The following PPP1R12A variants were observed in gnomAD, a reference collection of about 807,000 sequenced individuals.
PPP1R12A encodes myosin binding subunit.
In PPP1R12A, 19 loss-of-function variants were observed where a neutral mutation model predicts 139.6. That is an observed-to-expected ratio of 0.14 (90% CI 0.09 to 0.20). The LOEUF (loss-of-function observed/expected upper bound fraction) is 0.20, where lower values mean the gene tolerates loss of function less well. PPP1R12A is among the 10% of genes least tolerant of loss of function. The probability of loss-of-function intolerance (pLI) is 1.00; values close to 1 mark genes in which losing one functional copy is unlikely to be tolerated. For missense variants in PPP1R12A, 925 were observed against 1,211.5 expected, an observed-to-expected ratio of 0.76 and a Z score of 3.51; for synonymous variants, 427 against 420.6, an observed-to-expected ratio of 1.02 and a Z score of -0.19.
chr12:79,885,495 C>T (rs1195278228), intron 1 of PPP1R12A, among the ~76,000 whole-genome samples: 1 of 152,058 alleles, frequency 6.6e-6, no homozygotes, highest in Non-Finnish European at 1.5e-5. Flanking sequence ...TTTAGTGCCA[C>T]TTTTGGTGGC....
intron 8 of PPP1R12A, chr12:79,818,988 TGA>T (rs1332570473): frequency 6.6e-6 from 1 of 151,968 alleles, no homozygotes; most frequent in Non-Finnish European, 1.5e-5. Context: ...ATTAAGAGAG[TGA>T]GAGGAAAGGA....
intron 3 of PPP1R12A, among the ~76,000 whole-genome samples, chr12:79,842,722 T>C (rs1217971551): frequency 6.6e-6 from 1 of 152,066 alleles, no homozygotes; most frequent in Admixed American, 6.6e-5. Flanking sequence ...TTTTTTTGTT[T>C]TCAGAAAGGG....
intron 20 of PPP1R12A, chr12:79,789,616 T>C (rs544869350): frequency 4.0e-5 from 18 of 451,798 alleles, no homozygotes; most frequent in African/African-American, 3.0e-4. Flanking sequence ...AAAGATGCCA[T>C]TGGCTCTGCA....
intron 9 of PPP1R12A, among the ~76,000 whole-genome samples, chr12:79,815,077 G>A (rs1875173178): frequency 6.6e-6 from 1 of 152,050 alleles, no homozygotes; most frequent in Non-Finnish European, 1.5e-5. Context: ...TACTAACAGA[G>A]GTTATAAAGT....
intron 1 of PPP1R12A, among the ~76,000 whole-genome samples, chr12:79,922,482 C>T (rs1372407256): frequency 1.3e-5 from 2 of 152,210 alleles, no homozygotes; most frequent in African/African-American, 2.4e-5. Context: ...GAAAATGTAG[C>T]ACATACACAC....
intron 1 of PPP1R12A, among the ~76,000 whole-genome samples, chr12:79,873,848 T>C (rs149304791): frequency 1.2e-4 from 19 of 152,304 alleles, no homozygotes; most frequent in African/African-American, 2.2e-4. Context: ...ACTTGTGACA[T>C]TGAGATGCAA....
rs149128450 is a variant in PPP1R12A, at chr12:79,784,693, A to G, written c.2907+1681T>C. On this transcript the variant is annotated intron_variant, in intron 22 of 24. Coordinates refer to ENST00000450142, the MANE Select transcript of PPP1R12A (RefSeq NM_002480.3). ...GCTCTGTCACCCAGGCTGGAGTTGC[A>G]GTGGCACGATCTTGGCTTACTGCAA... Among the ~76,000 whole-genome samples, 788 of 152,212 alleles carry G rather than the reference A, an allele frequency of 5.2e-3. 5 individuals are homozygous for G. The highest frequency in any genetic ancestry group is 0.018 in the African/African-American group (748 of 41,530).
chr12:79,901,980 G>A (rs1885684546), intron 1 of PPP1R12A, among the ~76,000 whole-genome samples: 1 of 152,156 alleles, frequency 6.6e-6, no homozygotes, highest in African/African-American at 2.4e-5. Context: ...AAATATAAGA[G>A]CTGGAGATAT....
rs373323136 is a variant in PPP1R12A at position 79,934,955 on chromosome 12, C to G, written c.-24G>C. The G allele has an allele frequency of 3.1e-5, 48 of 1,562,138 alleles. No individual in the cohort carries two copies. The highest frequency in any genetic ancestry group is 4.1e-5 in the Non-Finnish European group (47 of 1,151,666). ...ATCCCCTCTCCTGCCGCCGGGTCTT[C>G]TTATCGCGAGGGGGGGAAGGGGGAG... On this transcript the variant is annotated 5_prime_UTR_variant, in exon 1 of 25. Transcript: ENST00000450142.
Position 79,914,274 on chromosome 12 carries a change from T to G in PPP1R12A, c.237+20421A>C, listed in dbSNP as rs527403751. Among the ~76,000 whole-genome samples the G allele has an allele frequency of 8.8e-4, 134 of 152,126 alleles. 3 individuals are homozygous for G. The highest frequency in any genetic ancestry group is 3.1e-3 in the African/African-American group (127 of 41,530). ...TTTATTGCAGTCATGTGCATTCACATGAAGTTGTAAGAAGTAATACCAAGA... is the reference window on the plus strand; with the variant it reads ...TTTATTGCAGTCATGTGCATTCACAGGAAGTTGTAAGAAGTAATACCAAGA... On this transcript the variant is annotated intron_variant, in intron 1 of 24. Transcript: ENST00000450142.
chr12:79,828,552 C>A (rs560120742), intron 4 of PPP1R12A, 88 bp from the exon 5 acceptor site: 1 of 983,546 alleles, frequency 1.0e-6, no homozygotes, highest in Non-Finnish European at 1.4e-6. Context: ...AATTTAACTA[C>A]AATTTTCAAT....
intron 14 of PPP1R12A, among the ~76,000 whole-genome samples, chr12:79,801,588 C>A (rs1873190940): frequency 6.6e-6 from 1 of 151,722 alleles, no homozygotes; most frequent in African/African-American, 2.4e-5. Flanking sequence ...TTCAAAACTC[C>A]TTTTAGAGAG....
intron 1 of PPP1R12A, among the ~76,000 whole-genome samples, chr12:79,923,828 A>G (rs1264126224): frequency 2.0e-5 from 3 of 152,158 alleles, no homozygotes; most frequent in Non-Finnish European, 4.4e-5. Context: ...GGATCACCTG[A>G]GGTCAGGAGT....
chr12:79,898,717 A>T (rs1434390511), intron 1 of PPP1R12A, among the ~76,000 whole-genome samples: 2 of 152,060 alleles, frequency 1.3e-5, no homozygotes, highest in Admixed American at 6.6e-5. Flanking sequence ...AAACAAAACC[A>T]ATCACTAGTC....
At chr12:79,865,104 A>G (rs1035770163) in intron 2 of PPP1R12A, among the ~76,000 whole-genome samples, 8 of 152,234 alleles carry the variant, frequency 5.3e-5, no homozygotes, top group Non-Finnish European at 2.9e-5. Context: ...GCAGCACGTC[A>G]AAAAGCTTAT....
chr12:79,918,158 T>TAA (rs545459727), intron 1 of PPP1R12A, among the ~76,000 whole-genome samples: 1 of 144,056 alleles, frequency 6.9e-6, no homozygotes, highest in African/African-American at 2.5e-5. Context: ...ACTGAAACCT[T>TAA]AAAAAAAAAA....
intron 8 of PPP1R12A, among the ~76,000 whole-genome samples, chr12:79,817,747 A>T (rs192144804): frequency 6.6e-6 from 1 of 152,220 alleles, no homozygotes; most frequent in Non-Finnish European, 1.5e-5. Flanking sequence ...AAAGCTTCTG[A>T]CAATAAAATG....
At chr12:79,844,284 G>T (rs1879130853) in intron 3 of PPP1R12A, among the ~76,000 whole-genome samples, 1 of 152,034 alleles carries the variant, frequency 6.6e-6, no homozygotes, top group Non-Finnish European at 1.5e-5. Flanking sequence ...CAACAGTTTG[G>T]ATATCTAACA....
chr12:79,811,394 T>C (rs2137074868), intron 9 of PPP1R12A, among the ~76,000 whole-genome samples: 1 of 152,280 alleles, frequency 6.6e-6, no homozygotes, highest in East Asian at 1.9e-4. Context: ...CTCTGTAGAA[T>C]ATTTTAAAGT....
Sources: allele counts gnomAD v4.1 joint callset (sites outside exome capture counted in the v4.1 genomes callset), GRCh38; gene constraint gnomAD v4.1.1; transcripts MANE v1.5; gene names NCBI Gene and HGNC (gene_info 2026-07-23, HGNC 2026-07-21).